The following BICC1 variants were observed in gnomAD, a reference collection of about 807,000 sequenced individuals.
BICC1 encodes the protein protein bicaudal C homolog 1.
Under a neutral mutation model 111.0 loss-of-function variants are expected in BICC1, and 43 were observed. The observed-to-expected ratio is 0.39, with a 90% CI of 0.30 to 0.50. BICC1 has a LOEUF of 0.50. Among genes scored for constraint, BICC1 ranks in the 20% least tolerant of loss-of-function variants. BICC1 has a pLI of 0.88. For missense variants in BICC1, 1,091 were observed against 1,203.2 expected (o/e 0.91, Z 1.38); for synonymous variants, 467 against 434.4 (o/e 1.07, Z -0.93).
rs143993756 is a variant in BICC1 at position 58,761,645 on chromosome 10, A to G, written c.308-23356A>G. On this transcript the variant is annotated intron_variant, in intron 3 of 20. Coordinates refer to ENST00000373886, the MANE Select transcript of BICC1 (RefSeq NM_001080512.3). The stretch of plus-strand genomic sequence containing the variant: ...AGATGTGTTGTTGAGAATGGATGAC[A>G]AACAGTTCAGGTCAACCTTGAGTAA... Among the ~76,000 whole-genome samples the G allele has an allele frequency of 3.9e-3, 588 of 152,312 alleles. 6 individuals are homozygous for G. The highest frequency in any genetic ancestry group is 0.013 in the African/African-American group (550 of 41,578).
At chr10:58,731,313 C>T (rs892280408) in intron 3 of BICC1, among the ~76,000 whole-genome samples, 2 of 152,126 alleles carry the variant, frequency 1.3e-5, no homozygotes, top group Non-Finnish European at 2.9e-5. Context: ...TCACTACCAG[C>T]GTTTTAGTTA....
intron 1 of BICC1, among the ~76,000 whole-genome samples, chr10:58,584,573 T>C (rs1844378181): frequency 6.6e-6 from 1 of 152,208 alleles, no homozygotes; most frequent in African/African-American, 2.4e-5. Flanking sequence ...TTTGTGATTG[T>C]CAGAGAATTT....
chr10:58,574,174 T>C (rs554573708), intron 1 of BICC1, among the ~76,000 whole-genome samples: 26 of 152,290 alleles, frequency 1.7e-4, no homozygotes, highest in Middle Eastern at 3.4e-3. Context: ...TTACATGCAC[T>C]GTGCTGAAGT....
chr10:58,621,941 G>GAAC (rs1443916915), intron 2 of BICC1, among the ~76,000 whole-genome samples: 1,568 of 26,844 alleles, frequency 0.058, 504 homozygotes, highest in South Asian at 0.089. Flanking sequence ...GAATAGAATA[G>GAAC]AATAGAATAG....
intron 19 of BICC1, among the ~76,000 whole-genome samples, chr10:58,818,198 G>GTAT (rs1366816879): frequency 1.3e-5 from 2 of 152,032 alleles, no homozygotes; most frequent in East Asian, 3.9e-4. Context: ...TTTTCAACAT[G>GTAT]TTAATTTATT....
chr10:58,547,647 C>T (rs1028722757), intron 1 of BICC1, among the ~76,000 whole-genome samples: 2 of 151,112 alleles, frequency 1.3e-5, no homozygotes, highest in African/African-American at 4.8e-5. Flanking sequence ...AGATTGGTCT[C>T]TTCTCTGTGT....
chr10:58,743,077 T>G (rs1011826239), intron 3 of BICC1, among the ~76,000 whole-genome samples: 1 of 152,230 alleles, frequency 6.6e-6, no homozygotes, highest in African/African-American at 2.4e-5. Flanking sequence ...TATAGATTAT[T>G]TACTCCTTGT....
At chr10:58,660,157 C>T (rs1838794152) in intron 2 of BICC1, among the ~76,000 whole-genome samples, 1 of 152,182 alleles carries the variant, frequency 6.6e-6, no homozygotes, top group Non-Finnish European at 1.5e-5. Flanking sequence ...GACTCCAAAT[C>T]ACCAGGTGCT....
chr10:58,650,796 T>C (rs766132094), intron 2 of BICC1: 2 of 152,120 alleles, frequency 1.3e-5, no homozygotes, highest in African/African-American at 2.4e-5. Flanking sequence ...TCAATAAAAC[T>C]CAGGCTCCTC....
intron 2 of BICC1, among the ~76,000 whole-genome samples, chr10:58,667,646 G>C (rs1713527560): frequency 6.6e-6 from 1 of 152,038 alleles, no homozygotes; most frequent in African/African-American, 2.4e-5. Flanking sequence ...ATAGGGTAGA[G>C]GGGAGGAAGT....
chr10:58,513,448 C>T (rs1842152715), intron 1 of BICC1, 115 bp downstream of exon 1: 2 of 1,026,166 alleles, frequency 1.9e-6, no homozygotes, highest in Non-Finnish European at 2.7e-6. Flanking sequence ...CGGTTTAGCT[C>T]CAGGCCCGCT....
At chr10:58,733,376 T>TA (rs1297498862) in intron 3 of BICC1, among the ~76,000 whole-genome samples, 5 of 152,294 alleles carry the variant, frequency 3.3e-5, no homozygotes, top group South Asian at 2.1e-4. Context: ...TTCTAATCTG[T>TA]AAAAAAAGTA....
intron 2 of BICC1, among the ~76,000 whole-genome samples, chr10:58,677,807 G>A (rs1404105860): frequency 6.6e-6 from 1 of 152,180 alleles, no homozygotes; most frequent in Admixed American, 6.5e-5. Flanking sequence ...AAAAGGTTGG[G>A]TTACCCACAA....
intron 2 of BICC1, among the ~76,000 whole-genome samples, chr10:58,655,492 G>A (rs201021260): frequency 1.3e-4 from 5 of 37,766 alleles, no homozygotes; most frequent in Non-Finnish European, 2.4e-4. Context: ...TTTGTCTGTT[G>A]TTGGTGTATA....
chr10:58,770,147 A>G (rs1842583677), intron 3 of BICC1, among the ~76,000 whole-genome samples: 1 of 152,076 alleles, frequency 6.6e-6, no homozygotes, highest in Non-Finnish European at 1.5e-5. Flanking sequence ...TATATTTTCT[A>G]ATATGTAGGT....
rs71033690 is a variant in BICC1, at chr10:58,601,140, T to TTA, written c.191-19685_191-19684dup. On this transcript the variant is annotated intron_variant, in intron 1 of 20. Transcript: ENST00000373886. Reference sequence around the variant, plus strand: ...ACTTTTTAGGCAGTCATTTTAAAACTTATATATATATATATATATATATAT... The same window carrying TTA: ...ACTTTTTAGGCAGTCATTTTAAAACTTATATATATATATATATATATATATAT... 1.7e-3 allele frequency among the ~76,000 whole-genome samples: 174 copies of TTA among 100,654 alleles called. 1 individual carries two copies. Among genetic ancestry groups the TTA allele is most frequent in the African/African-American group, 5.8e-3 (159 of 27,332 alleles). 66.0% of individuals were successfully genotyped at this position (100,654 alleles called of 152,430 possible). A position where few individuals can be genotyped will look rare whatever the true frequency, so the allele number is the denominator to read the frequency against.
rs1436158140 is a variant in BICC1 at position 58,814,382 on chromosome 10, C to G, written c.2533+396C>G. 2.1e-5 allele frequency: 10 copies of G among 483,760 alleles called. No homozygotes were observed. The East Asian group carries it at 3.6e-4, about 18-fold the overall frequency. 30.0% of individuals were successfully genotyped at this position (483,760 alleles called of 1,614,324 possible). A position where few individuals can be genotyped will look rare whatever the true frequency, so the allele number is the denominator to read the frequency against. On this transcript the variant is annotated intron_variant, in intron 18 of 20. Transcript: ENST00000373886. ...TCTTCCCAAACGCCTAGTGAACTGT[C>G]TGACACCTAGTAGGTAGGTGCTCAG...
chr10:58,801,137 C>A, intron 14 of BICC1, 91 bp downstream of exon 14: 1 of 1,122,308 alleles, frequency 8.9e-7, no homozygotes, highest in Non-Finnish European at 1.2e-6. Flanking sequence ...TGATTCAAGT[C>A]ATGTTTGATC....
At chr10:58,826,489 T>C (rs757140592) in intron 20 of BICC1, among the ~76,000 whole-genome samples, 2 of 149,404 alleles carry the variant, frequency 1.3e-5, no homozygotes, top group Non-Finnish European at 3.0e-5. Context: ...CGGTGGCTCA[T>C]GCCTGTAATC....
Sources: allele counts gnomAD v4.1 joint callset (sites outside exome capture counted in the v4.1 genomes callset), GRCh38; gene constraint gnomAD v4.1.1; transcripts MANE v1.5; gene names NCBI Gene and HGNC (gene_info 2026-07-23, HGNC 2026-07-21).